OSBP2: variants seen among roughly 807,000 people sequenced by gnomAD.
The protein encoded by OSBP2 is oxysterol-binding protein 2.
In OSBP2, 66 loss-of-function variants were observed where a neutral mutation model predicts 96.0. The observed-to-expected ratio is 0.69, with a 90% confidence interval of 0.56 to 0.84. OSBP2 has a LOEUF of 0.84. Among genes scored for constraint, OSBP2 ranks in the 40% least tolerant of loss-of-function variants. The probability of loss-of-function intolerance (pLI) is 0.00; values close to 1 mark genes in which losing one functional copy is unlikely to be tolerated. For missense variants in OSBP2, 1,038 were observed against 1,222.7 expected, an observed-to-expected ratio of 0.85 and a Z score of 2.25; for synonymous variants, 525 against 520.9, an observed-to-expected ratio of 1.01 and a Z score of -0.11.
intron 2 of OSBP2, among the ~76,000 whole-genome samples, chr22:30,762,993 G>C (rs1454731351): frequency 6.6e-6 from 1 of 152,206 alleles, no homozygotes; most frequent in Non-Finnish European, 1.5e-5. Flanking sequence ...GAGCCAGCCT[G>C]CCTGGGTTCA....
intron 3 of OSBP2, among the ~76,000 whole-genome samples, chr22:30,887,045 G>T (rs1322225744): frequency 6.6e-6 from 1 of 152,136 alleles, no homozygotes; most frequent in Non-Finnish European, 1.5e-5. Context: ...GCTAAACAAG[G>T]GGTGGATTAT....
intron 2 of OSBP2, among the ~76,000 whole-genome samples, chr22:30,826,955 A>G (rs909919500): frequency 6.6e-6 from 1 of 152,186 alleles, no homozygotes; most frequent in Non-Finnish European, 1.5e-5. Flanking sequence ...CTCCAACAGG[A>G]CAGTGGGTCT....
intron 2 of OSBP2, among the ~76,000 whole-genome samples, chr22:30,820,540 G>A (rs1253516928): frequency 1.3e-5 from 2 of 152,200 alleles, no homozygotes; most frequent in Admixed American, 6.5e-5. Context: ...GGTTCTCTGA[G>A]TGTGGCCTCT....
intron 2 of OSBP2, among the ~76,000 whole-genome samples, chr22:30,759,856 A>G (rs1045570584): frequency 6.6e-6 from 1 of 151,928 alleles, no homozygotes; most frequent in Non-Finnish European, 1.5e-5. Context: ...TTCTTTTTTA[A>G]TTTTTCTTTT....
chr22:30,720,120 C>G (rs953605800), intron 1 of OSBP2, among the ~76,000 whole-genome samples: 2 of 152,204 alleles, frequency 1.3e-5, no homozygotes. Context: ...TGGGGTTATC[C>G]CTTCCACATG....
At chr22:30,832,286 TTTTTC>T (rs1020155053) in intron 2 of OSBP2, among the ~76,000 whole-genome samples, 5 of 152,086 alleles carry the variant, frequency 3.3e-5, no homozygotes, top group East Asian at 1.9e-4. Context: ...TTCTTTTTCT[TTTTTC>T]TTTTCTTTCT....
chr22:30,843,531 G>C (rs747599701), intron 2 of OSBP2, among the ~76,000 whole-genome samples: 18 of 151,662 alleles, frequency 1.2e-4, no homozygotes, highest in Non-Finnish European at 2.2e-4. Flanking sequence ...TGTCATTCAG[G>C]CTTCATTGTT....
intron 1 of OSBP2, among the ~76,000 whole-genome samples, chr22:30,715,782 C>G (rs1363916488): frequency 1.3e-5 from 2 of 151,546 alleles, no homozygotes; most frequent in Non-Finnish European, 1.5e-5. Flanking sequence ...GTCTTGAACT[C>G]CTGACCGCAG....
At chr22:30,861,026 C>T (rs1297305338) in intron 2 of OSBP2, among the ~76,000 whole-genome samples, 1 of 152,178 alleles carries the variant, frequency 6.6e-6, no homozygotes, top group African/African-American at 2.4e-5. Context: ...CTATTGTTCA[C>T]CCCTCGTTTT....
intron 1 of OSBP2, among the ~76,000 whole-genome samples, chr22:30,700,105 G>C (rs5753280): frequency 0.12 from 18,850 of 151,446 alleles, 1,989 homozygotes; most frequent in East Asian, 0.41. Flanking sequence ...TGGGATTACA[G>C]AGGCATGCCA....
At chr22:30,715,698 G>GCT (rs1555907297) in intron 1 of OSBP2, among the ~76,000 whole-genome samples, 6 of 151,526 alleles carry the variant, frequency 4.0e-5, no homozygotes, top group Non-Finnish European at 8.8e-5. Flanking sequence ...ATTGATTACA[G>GCT]GTGCCTGCCA....
chr22:30,696,740 G>A (rs770386985), intron 1 of OSBP2, among the ~76,000 whole-genome samples: 14 of 151,990 alleles, frequency 9.2e-5, no homozygotes, highest in Admixed American at 5.2e-4. Context: ...TGCAACCTCC[G>A]CCCCCCAGGT....
Position 30,871,415 on chromosome 22 carries a change from C to T in OSBP2, c.1107+733C>T, listed in dbSNP as rs776401089. On this transcript the variant is annotated intron_variant, in intron 3 of 13. Transcript: ENST00000332585. The surrounding 1 kb of genome is among the most constrained non-coding windows in gnomAD (Gnocchi z 4.7). ...GTGCGTGCTCCTCCAGGCCTCCACCCTCCAGACACAGGTCTGACTGCAACA... is the reference window on the plus strand; with the variant it reads ...GTGCGTGCTCCTCCAGGCCTCCACCTTCCAGACACAGGTCTGACTGCAACA... Among the ~76,000 whole-genome samples, 142 of 152,138 alleles carry T rather than the reference C, an allele frequency of 9.3e-4. 1 individual carries two copies. Among genetic ancestry groups the T allele is most frequent in the Non-Finnish European group, 4.7e-4 (32 of 68,026 alleles).
intron 2 of OSBP2, among the ~76,000 whole-genome samples, chr22:30,824,240 A>G (rs1035728303): frequency 1.3e-5 from 2 of 152,172 alleles, no homozygotes; most frequent in African/African-American, 4.8e-5. Context: ...TGCCCTGCAC[A>G]GCAAGCCTGG....
chr22:30,783,427 G>A (rs939807842), intron 2 of OSBP2, among the ~76,000 whole-genome samples: 22 of 145,950 alleles, frequency 1.5e-4, no homozygotes, highest in African/African-American at 4.6e-4. Context: ...GGGTTCAAGC[G>A]ATTCTCCTGC....
intron 1 of OSBP2, among the ~76,000 whole-genome samples, chr22:30,709,525 GT>G (rs796220367): frequency 1.3e-5 from 2 of 149,212 alleles, no homozygotes; most frequent in Non-Finnish European, 1.5e-5. Flanking sequence ...TTTGTTTTTT[GT>G]TTTTTTTTGA....
chr22:30,892,197 TGAG>T (rs2039965137), intron 8 of OSBP2, among the ~76,000 whole-genome samples: 1 of 151,636 alleles, frequency 6.6e-6, no homozygotes, highest in Non-Finnish European at 1.5e-5. Flanking sequence ...AGGAGGAGCA[TGAG>T]GAGGGCCAGA....
Position 30,881,733 on chromosome 22 carries a change from C to T in OSBP2, c.1108-5693C>T. 1 of 1,304,124 alleles carries T rather than the reference C, an allele frequency of 7.7e-7. No individual in the cohort carries two copies. The highest frequency in any genetic ancestry group is 1.0e-6 in the Non-Finnish European group (1 of 988,876). 80.8% of individuals were successfully genotyped at this position (1,304,124 alleles called of 1,614,324 possible). On this transcript the variant is annotated intron_variant, in intron 3 of 13. Transcript: ENST00000332585. The surrounding 1 kb of genome is among the most constrained non-coding windows in gnomAD (Gnocchi z 4.5). ...CAGGCGCCTGCCTCTCCCCACAGCA[C>T]AGCCAGGATGGGGCCTGGAGAAGGC...
At position 30,694,990 on chromosome 22, in the gene OSBP2, C is replaced by T. The variant is rs1257123428; in HGVS notation, c.81C>T (p.Val27=). 5.8e-6 allele frequency: 9 copies of T among 1,559,698 alleles called. No homozygotes were observed. Among genetic ancestry groups the T allele is most frequent in the Non-Finnish European group, 7.8e-6 (9 of 1,158,032 alleles). The change falls in exon 1 of 14, where the codon GTC becomes GTT. Residue 27 remains valine (V), a synonymous_variant. Transcript: ENST00000332585. ...GGCTCTCGTCGCTGTTCACGGTTGT[C>T]CCCTGCCTGTCGTGCCACACGGCGG... ...SRGLSSLFTV[V]PCLSCHTAAP...
Sources: gnomAD v4.1 joint callset for allele counts (sites outside exome capture counted in the v4.1 genomes callset) on GRCh38, gnomAD v4.1.1 for gene constraint, Gnocchi (gnomAD v3.1) non-coding constraint, MANE v1.5 for transcripts, NCBI Gene and HGNC (gene_info 2026-07-23, HGNC 2026-07-21) for gene names.